SIK2: variants seen among roughly 807,000 people sequenced by gnomAD.
SIK2 encodes salt inducible kinase 2.
SIK2 carries 29 observed loss-of-function variants against 103.2 expected under a neutral mutation model. The observed-to-expected ratio is 0.28, with a 90% CI of 0.21 to 0.38. The LOEUF is 0.38. Ranked by LOEUF, SIK2 falls within the 10% of genes least tolerant of loss-of-function variation. The pLI, the probability that SIK2 is intolerant of heterozygous loss-of-function variation, is 1.00. For synonymous variants in SIK2, 412 were observed against 446.1 expected, an observed-to-expected ratio of 0.92 and a Z score of 0.96; for missense variants, 879 against 1,171.0, an observed-to-expected ratio of 0.75 and a Z score of 3.64.
At chr11:111,723,145 C>A (rs1297663051) in intron 14 of SIK2, among the ~76,000 whole-genome samples, 1 of 152,130 alleles carries the variant, frequency 6.6e-6, no homozygotes, top group Non-Finnish European at 1.5e-5. Flanking sequence ...GTAGACCTAC[C>A]CTAATCAATC....
rs560560329 is a variant in SIK2, at chr11:111,649,846, G to A, written c.316+29444G>A. Among the ~76,000 whole-genome samples, 7 of 152,154 alleles carry A rather than the reference G, an allele frequency of 4.6e-5. 1 individual carries two copies. Among genetic ancestry groups the A allele is most frequent in the African/African-American group, 1.7e-4 (7 of 41,534 alleles). On this transcript the variant is annotated intron_variant, in intron 3 of 14. Coordinates refer to ENST00000304987, the MANE Select transcript of SIK2 (RefSeq NM_015191.3). The stretch of plus-strand genomic sequence containing the variant: ...AACATCACTTTCTCATAACTAACAA[G>A]ATCTTTTCTCCAGAATAGCTCTATT...
At chr11:111,618,871 C>G (rs1222790230) in intron 2 of SIK2, among the ~76,000 whole-genome samples, 1 of 152,116 alleles carries the variant, frequency 6.6e-6, no homozygotes, top group Non-Finnish European at 1.5e-5. Context: ...GTAGCTGGGA[C>G]TACAAGCACA....
chr11:111,621,866 C>A (rs1269745690), intron 3 of SIK2, among the ~76,000 whole-genome samples: 4 of 151,908 alleles, frequency 2.6e-5, no homozygotes, highest in African/African-American at 9.7e-5. Context: ...TGAGCCACGA[C>A]CGCACCACTG....
At chr11:111,709,655 G>A (rs1192072773) in intron 8 of SIK2, among the ~76,000 whole-genome samples, 1 of 152,158 alleles carries the variant, frequency 6.6e-6, no homozygotes, top group Non-Finnish European at 1.5e-5. Context: ...AATCAACTGT[G>A]TAATGCTGAG....
chr11:111,718,886 AC>A (rs945709361), intron 9 of SIK2: 1 of 152,258 alleles, frequency 6.6e-6, no homozygotes, highest in Non-Finnish European at 1.5e-5. Flanking sequence ...TTACCTCCTC[AC>A]AGGGGCCTTT....
At position 111,721,561 on chromosome 11, in the gene SIK2, A is replaced by G. The variant is rs1310740159; in HGVS notation, c.1945-269A>G. Among the ~76,000 whole-genome samples the G allele has an allele frequency of 2.0e-5, 3 of 152,218 alleles. No individual in the cohort carries two copies. The East Asian group carries it at 5.8e-4, about 29-fold the overall frequency. ...GTGCATCCAAGAGGATTATAGTTCG[A>G]GGCCCACATGAAGGCCATAGCCTCC... On this transcript the variant is annotated intron_variant, in intron 12 of 14. Coordinates refer to ENST00000304987, the MANE Select transcript of SIK2 (RefSeq NM_015191.3).
chr11:111,712,942 A>G (rs1319342889), intron 9 of SIK2, among the ~76,000 whole-genome samples: 1 of 152,192 alleles, frequency 6.6e-6, no homozygotes, highest in Admixed American at 6.5e-5. Flanking sequence ...AGGCGGGCAG[A>G]TTGCCTGAGC....
At chr11:111,663,780 C>G (rs923311062) in intron 3 of SIK2, among the ~76,000 whole-genome samples, 1 of 152,124 alleles carries the variant, frequency 6.6e-6, no homozygotes, top group Non-Finnish European at 1.5e-5. Flanking sequence ...TAGGAGTTGA[C>G]AGAAATGGAT....
chr11:111,655,655 G>A lies in SIK2; in HGVS notation c.317-32346G>A, dbSNP rs531413896. Among the ~76,000 whole-genome samples the A allele has an allele frequency of 2.0e-5, 3 of 152,204 alleles. No homozygotes were observed. The East Asian group carries it at 5.8e-4, about 29-fold the overall frequency. ...GACAGTGGCCTGAGAAGACTCTCTT[G>A]GCTTTATAGCTACCTAGGTGGAGGT... On this transcript the variant is annotated intron_variant, in intron 3 of 14. Coordinates refer to ENST00000304987, the MANE Select transcript of SIK2 (RefSeq NM_015191.3).
Position 111,661,659 on chromosome 11 carries a change from T to C in SIK2, c.317-26342T>C, listed in dbSNP as rs183840673. Reference sequence around the variant, plus strand: ...GAAATACCTGAGACTGGGTAATTTATAAAGAAAAAGAGGTTTAATGGACTC... The same window carrying C: ...GAAATACCTGAGACTGGGTAATTTACAAAGAAAAAGAGGTTTAATGGACTC... On this transcript the variant is annotated intron_variant, in intron 3 of 14. Transcript: ENST00000304987. Among the ~76,000 whole-genome samples, 1,056 of 152,330 alleles carry C rather than the reference T, an allele frequency of 6.9e-3. 9 individuals are homozygous for C. Among genetic ancestry groups the C allele is most frequent in the Middle Eastern group, 0.054 (16 of 294 alleles).
At chr11:111,682,628 A>G (rs1156936637) in intron 3 of SIK2, among the ~76,000 whole-genome samples, 19 of 152,242 alleles carry the variant, frequency 1.2e-4, no homozygotes. Context: ...TTACATGAGG[A>G]AAAAAAGGAT....
At chr11:111,715,778 T>C (rs1943622677) in intron 9 of SIK2, among the ~76,000 whole-genome samples, 1 of 150,724 alleles carries the variant, frequency 6.6e-6, no homozygotes, top group African/African-American at 2.4e-5. Context: ...ACACGCACAC[T>C]TGAGTCATTT....
rs116992679 is a variant in SIK2, at chr11:111,625,634, A to G, written c.316+5232A>G. Among the ~76,000 whole-genome samples, 1,014 of 152,324 alleles carry G rather than the reference A, an allele frequency of 6.7e-3. 8 individuals carry two copies. The highest frequency in any genetic ancestry group is 0.061 in the Middle Eastern group (18 of 294). ...GACAAATGATGCCGATAGATCAAAA[A>G]TGATGAGGAATGACAGTTGACCATT... is the stretch of plus-strand genomic sequence containing the variant. On this transcript the variant is annotated intron_variant, in intron 3 of 14. Transcript: ENST00000304987.
intron 1 of SIK2, among the ~76,000 whole-genome samples, chr11:111,613,831 C>T (rs920041345): frequency 3.9e-4 from 59 of 152,070 alleles, no homozygotes; most frequent in African/African-American, 1.4e-3. Flanking sequence ...GTTTAGTAAT[C>T]GGATTTCCCC....
chr11:111,713,562 A>T lies in SIK2; in HGVS notation c.1266+1187A>T, dbSNP rs1016689968. On this transcript the variant is annotated intron_variant, in intron 9 of 14. Coordinates refer to ENST00000304987, the MANE Select transcript of SIK2 (RefSeq NM_015191.3). ...TCCTGTCTTTTTAGCCTCTTTAGAT[A>T]ATAAAAAGATGAGTGAGACATGAAC... 1.4e-4 allele frequency among the ~76,000 whole-genome samples: 22 copies of T among 152,334 alleles called. No individual in the cohort carries two copies. In the South Asian group the frequency reaches 3.3e-3, roughly 23 times the overall value.
intron 3 of SIK2, among the ~76,000 whole-genome samples, chr11:111,651,543 G>A (rs1284232331): frequency 6.6e-6 from 1 of 152,166 alleles, no homozygotes; most frequent in Non-Finnish European, 1.5e-5. Context: ...GGAGGTGATG[G>A]GAGGGAGAAC....
intron 1 of SIK2, among the ~76,000 whole-genome samples, chr11:111,605,990 G>A (rs1168008486): frequency 1.3e-5 from 2 of 152,160 alleles, no homozygotes; most frequent in Non-Finnish European, 2.9e-5. Context: ...TTATGAATTA[G>A]AGATGCTAAT....
At chr11:111,626,384 T>G (rs893959466) in intron 3 of SIK2, among the ~76,000 whole-genome samples, 5 of 152,136 alleles carry the variant, frequency 3.3e-5, no homozygotes, top group Non-Finnish European at 7.4e-5. Flanking sequence ...CTTTTTTTTT[T>G]TTTTACAAAA....
chr11:111,660,755 T>C (rs1305758275), intron 3 of SIK2, among the ~76,000 whole-genome samples: 1 of 151,902 alleles, frequency 6.6e-6, no homozygotes, highest in Non-Finnish European at 1.5e-5. Flanking sequence ...ACAATGACTG[T>C]ACCATGTGAG....
Sources: allele counts gnomAD v4.1 joint callset (sites outside exome capture counted in the v4.1 genomes callset), GRCh38; gene constraint gnomAD v4.1.1; transcripts MANE v1.5; gene names NCBI Gene and HGNC (gene_info 2026-07-23, HGNC 2026-07-21).